The following FER variants were observed in gnomAD, a reference collection of about 807,000 sequenced individuals.
FER encodes tyrosine-protein kinase Fer.
FER carries 63 observed loss-of-function variants against 111.0 expected under a neutral mutation model. The ratio of observed to expected loss-of-function variants is 0.57; its 90% CI spans 0.46 to 0.70. The LOEUF is 0.70. Ranked by LOEUF, FER falls within the 30% of genes least tolerant of loss-of-function variation. The pLI is 0.00. For missense variants in FER, 914 were observed against 954.0 expected, an observed-to-expected ratio of 0.96 and a Z score of 0.55; for synonymous variants, 327 against 313.9, an observed-to-expected ratio of 1.04 and a Z score of -0.44.
chr5:108,872,889 A>G (rs1764732277), intron 8 of FER, among the ~76,000 whole-genome samples: 1 of 152,124 alleles, frequency 6.6e-6, no homozygotes, highest in Admixed American at 6.6e-5. Context: ...CATTGCATGT[A>G]TTTTTTCTTT....
At chr5:108,851,436 C>A (rs756748323) in intron 5 of FER, among the ~76,000 whole-genome samples, 2 of 152,180 alleles carry the variant, frequency 1.3e-5, no homozygotes, top group Non-Finnish European at 2.9e-5. Context: ...CCTCCCACAA[C>A]ATGTGGGAAT....
intron 17 of FER, among the ~76,000 whole-genome samples, chr5:109,101,223 T>C (rs948177203): frequency 1.3e-5 from 2 of 151,962 alleles, no homozygotes; most frequent in African/African-American, 4.8e-5. Flanking sequence ...TAAATATGGC[T>C]AAGTATAAAT....
intron 6 of FER, among the ~76,000 whole-genome samples, chr5:108,869,036 C>T (rs1033641353): frequency 4.0e-5 from 6 of 151,872 alleles, no homozygotes; most frequent in African/African-American, 1.5e-4. Flanking sequence ...TAACCTTGAG[C>T]AGTAGGATAT....
At chr5:108,865,998 C>A (rs1262293144) in intron 5 of FER, among the ~76,000 whole-genome samples, 1 of 152,192 alleles carries the variant, frequency 6.6e-6, no homozygotes, top group Non-Finnish European at 1.5e-5. Context: ...GGACTGTAAA[C>A]AAGTTCAACC....
intron 13 of FER, among the ~76,000 whole-genome samples, chr5:109,011,712 T>C (rs1014866285): frequency 1.3e-5 from 2 of 152,186 alleles, no homozygotes; most frequent in Non-Finnish European, 1.5e-5. Flanking sequence ...ATTTTATCTT[T>C]TTGCTCTCAT....
rs551688299 is a variant in FER at position 108,756,128 on chromosome 5, T to G, written c.-206+8128T>G. The stretch of plus-strand genomic sequence containing the variant: ...GAGACCATGCCATTGCACTCCAGCC[T>G]GGGTGACAAGAGCGAGAAACTCCAT... On this transcript the variant is annotated intron_variant, in intron 1 of 19. Coordinates refer to ENST00000281092, the MANE Select transcript of FER (RefSeq NM_005246.4). Among the ~76,000 whole-genome samples, 312 of 144,660 alleles carry G rather than the reference T, an allele frequency of 2.2e-3. 3 individuals carry two copies. The highest frequency in any genetic ancestry group is 7.4e-3 in the African/African-American group (288 of 38,886). 94.9% of individuals were successfully genotyped at this position (144,660 alleles called of 152,430 possible).
At chr5:108,957,259 C>A (rs780920332) in intron 12 of FER, among the ~76,000 whole-genome samples, 3 of 151,556 alleles carry the variant, frequency 2.0e-5, no homozygotes, top group Non-Finnish European at 4.4e-5. Context: ...TGCATTCATG[C>A]ATTCAAGACA....
Position 108,896,162 on chromosome 5 carries a change from C to CT in FER, c.1047-1487dup, listed in dbSNP as rs573033735. ...CTTATATTGTTGTCATTGTTGGAGT[C>CT]TTTTTTTTTTCTTGGTAGCTAGGAG... On this transcript the variant is annotated intron_variant, in intron 9 of 19. Transcript: ENST00000281092. Among the ~76,000 whole-genome samples, 147 of 148,092 alleles carry CT rather than the reference C, an allele frequency of 9.9e-4. 4 individuals are homozygous for CT. The South Asian group carries it at 0.026, about 26-fold the overall frequency.
intron 14 of FER, among the ~76,000 whole-genome samples, chr5:109,041,967 A>T (rs1166714020): frequency 6.6e-6 from 1 of 152,200 alleles, no homozygotes; most frequent in Non-Finnish European, 1.5e-5. Context: ...TTCATCCACC[A>T]TTTGGGTCTT....
chr5:109,083,740 A>G (rs75863298), intron 16 of FER, among the ~76,000 whole-genome samples: 6,840 of 152,038 alleles, frequency 0.045, 188 homozygotes, highest in South Asian at 0.085. Context: ...CAACTCTGAA[A>G]GATGAAATAA....
intron 13 of FER, among the ~76,000 whole-genome samples, chr5:108,976,933 T>C (rs1403321902): frequency 2.6e-5 from 4 of 152,216 alleles, no homozygotes; most frequent in Non-Finnish European, 4.4e-5. Flanking sequence ...AGTGGCACTT[T>C]ATGTGGGTCC....
At chr5:108,810,270 C>A (rs1468142678) in intron 3 of FER, among the ~76,000 whole-genome samples, 1 of 152,122 alleles carries the variant, frequency 6.6e-6, no homozygotes, top group East Asian at 1.9e-4. Context: ...ATAGGTAAGA[C>A]GTGGCTGTGG....
At chr5:109,184,825 C>G (rs1392150450) in intron 18 of FER, among the ~76,000 whole-genome samples, 1 of 152,156 alleles carries the variant, frequency 6.6e-6, no homozygotes, top group African/African-American at 2.4e-5. Flanking sequence ...TTATAGCAGG[C>G]ATACTCTGGT....
intron 13 of FER, among the ~76,000 whole-genome samples, chr5:109,036,552 T>A: frequency 6.6e-6 from 1 of 152,134 alleles, no homozygotes; most frequent in Middle Eastern, 3.4e-3. Context: ...ACTCTAACAT[T>A]AATAAGAAAC....
intron 3 of FER, among the ~76,000 whole-genome samples, chr5:108,799,936 G>C (rs1756450003): frequency 6.6e-6 from 1 of 150,380 alleles, no homozygotes. Context: ...TCTGCCTCCC[G>C]GGTTCAGGTG....
chr5:109,125,193 G>GT (rs1467962266), intron 17 of FER, among the ~76,000 whole-genome samples: 20 of 151,588 alleles, frequency 1.3e-4, no homozygotes, highest in Non-Finnish European at 1.8e-4. Context: ...ATTATTATCT[G>GT]TTTTTTTTCC....
chr5:108,998,509 C>A (rs1425763837), intron 13 of FER, among the ~76,000 whole-genome samples: 1 of 152,186 alleles, frequency 6.6e-6, no homozygotes, highest in Non-Finnish European at 1.5e-5. Flanking sequence ...GTGAGATGAA[C>A]CGGATACCTC....
chr5:109,123,598 ATTATT>A (rs1751296152), intron 17 of FER, among the ~76,000 whole-genome samples: 1 of 152,176 alleles, frequency 6.6e-6, no homozygotes, highest in Non-Finnish European at 1.5e-5. Context: ...CTTATAACAA[ATTATT>A]TTATTTAAAC....
intron 8 of FER, among the ~76,000 whole-genome samples, chr5:108,878,030 C>G (rs532156884): frequency 7.9e-5 from 12 of 152,076 alleles, no homozygotes; most frequent in Admixed American, 5.2e-4. Flanking sequence ...CTCAGCTTTC[C>G]AAGTAATTGG....
Sources: allele counts gnomAD v4.1 joint callset (sites outside exome capture counted in the v4.1 genomes callset), GRCh38; gene constraint gnomAD v4.1.1; transcripts MANE v1.5; gene names NCBI Gene and HGNC (gene_info 2026-07-23, HGNC 2026-07-21).